The following SAMD12 variants were observed in gnomAD, a reference collection of about 807,000 sequenced individuals.
The protein encoded by SAMD12 is sterile alpha motif domain containing 12.
In SAMD12, 9 loss-of-function variants were observed where a neutral mutation model predicts 15.0. The ratio of observed to expected loss-of-function variants is 0.60; its 90% CI spans 0.36 to 1.05. The LOEUF is 1.05. Ranked by LOEUF, SAMD12 falls within the 50% of genes least tolerant of loss-of-function variation. The probability of loss-of-function intolerance (pLI) is 0.01; values close to 1 mark genes in which losing one functional copy is unlikely to be tolerated. For synonymous variants in SAMD12, 86 were observed against 90.1 expected (o/e 0.96, Z 0.25); for missense variants, 230 against 234.2 (o/e 0.98, Z 0.12).
chr8:118,257,524 ACTC>A (rs1208767914), intron 4 of SAMD12, among the ~76,000 whole-genome samples: 1 of 151,884 alleles, frequency 6.6e-6, no homozygotes, highest in African/African-American at 2.4e-5. Flanking sequence ...CTTCAACAGA[ACTC>A]CTCCTCCTTC....
chr8:118,163,641 C>T, the SAMD12 span, among the ~76,000 whole-genome samples: 5 of 151,068 alleles, frequency 3.3e-5, no homozygotes, highest in Non-Finnish European at 5.9e-5. Flanking sequence ...TTTGGGAGGC[C>T]GAGGCGGGCG....
exon 5 of SAMD12, chr8:118,197,636 G>T: frequency 8.2e-7 from 1 of 1,217,862 alleles, no homozygotes; most frequent in Non-Finnish European, 1.2e-6. Flanking sequence ...CAGTGCCATG[G>T]GTTAGTCTTT....
chr8:118,364,277 G>C (rs1253235277), intron 4 of SAMD12, among the ~76,000 whole-genome samples: 2 of 152,106 alleles, frequency 1.3e-5, no homozygotes, highest in Admixed American at 1.3e-4. Flanking sequence ...CATATTTCTG[G>C]GGAAATAGGA....
chr8:118,462,992 A>G (rs1446718012), intron 2 of SAMD12, among the ~76,000 whole-genome samples: 3 of 150,972 alleles, frequency 2.0e-5, no homozygotes, highest in Non-Finnish European at 4.4e-5. Flanking sequence ...TCCCAGCTAC[A>G]CAGGAGGCTG....
intron 1 of SAMD12, among the ~76,000 whole-genome samples, chr8:118,607,393 GC>G (rs201592913): frequency 0.021 from 3,152 of 152,148 alleles, 52 homozygotes; most frequent in Middle Eastern, 0.044. Context: ...GTGCCACGAC[GC>G]CCAGCTAATT....
intron 4 of SAMD12, among the ~76,000 whole-genome samples, chr8:118,311,014 A>G (rs1815603263): frequency 6.6e-6 from 1 of 152,190 alleles, no homozygotes; most frequent in South Asian, 2.1e-4. Flanking sequence ...ACAATACACT[A>G]AATGTTCTCT....
chr8:118,273,124 G>A (rs1451430749), intron 4 of SAMD12, among the ~76,000 whole-genome samples: 2 of 152,192 alleles, frequency 1.3e-5, no homozygotes, highest in African/African-American at 4.8e-5. Flanking sequence ...GAAAAGTGGT[G>A]TAATTGACTC....
In SAMD12 at chr8:118,439,892, T is replaced by C; in HGVS notation, c.262A>G (p.Lys88Glu). 5.0e-6 allele frequency: 8 copies of C among 1,613,744 alleles called. No individual in the cohort carries two copies. Among genetic ancestry groups the C allele is most frequent in the Non-Finnish European group, 6.8e-6 (8 of 1,179,650 alleles). The change falls in exon 3 of 4, where the codon AAA (lysine) becomes GAA (glutamate). Residue 88 changes from lysine (K) to glutamate (E), a missense_variant. Physicochemically the swap from Lys to Glu is moderately conservative, Grantham distance 56. Coordinates refer to ENST00000314727, the MANE Select transcript of SAMD12 (RefSeq NM_207506.3). ...TQQDVCKWLK[K>E]HCPNQYQIYS... ...ATCTGATACTGATTCGGACAATGTT[T>C]CTTCAACCACTTGCAGACATCCTGC... is the stretch of plus-strand genomic sequence containing the variant.
At chr8:118,292,349 G>GACACACACAGACACAC (rs1554624055) in intron 4 of SAMD12, among the ~76,000 whole-genome samples, 3 of 137,718 alleles carry the variant, frequency 2.2e-5, no homozygotes, top group African/African-American at 8.3e-5. Context: ...CAAACACACA[G>GACACACACAGACACAC]ACACACACAC....
At chr8:118,367,161 G>T (rs186767139) in intron 4 of SAMD12, among the ~76,000 whole-genome samples, 1 of 151,936 alleles carries the variant, frequency 6.6e-6, no homozygotes, top group Non-Finnish European at 1.5e-5. Context: ...CCGAGAATTG[G>T]TGGTCCCCCC....
intron 2 of SAMD12, among the ~76,000 whole-genome samples, chr8:118,512,496 G>A (rs555764690): frequency 1.8e-4 from 27 of 152,164 alleles, no homozygotes; most frequent in African/African-American, 6.0e-4. Flanking sequence ...ATTAAAATAA[G>A]GTCATGCCAG....
intron 2 of SAMD12, among the ~76,000 whole-genome samples, chr8:118,465,579 A>G (rs1278174408): frequency 5.3e-5 from 8 of 152,190 alleles, no homozygotes. Context: ...AGGGTAAGAC[A>G]TAGATTTCTC....
At chr8:118,576,553 A>G (rs564674663) in intron 2 of SAMD12, among the ~76,000 whole-genome samples, 1 of 152,274 alleles carries the variant, frequency 6.6e-6, no homozygotes, top group African/African-American at 2.4e-5. Context: ...GAATTTATCC[A>G]TACTTCGCAG....
intron 4 of SAMD12, among the ~76,000 whole-genome samples, chr8:118,343,890 T>C (rs1330111732): frequency 6.6e-6 from 1 of 152,218 alleles, no homozygotes; most frequent in Non-Finnish European, 1.5e-5. Flanking sequence ...GTTAAGTTAC[T>C]TAACCTCTAA....
intron 2 of SAMD12, among the ~76,000 whole-genome samples, chr8:118,494,790 G>A (rs1428984280): frequency 6.6e-6 from 1 of 152,010 alleles, no homozygotes; most frequent in Non-Finnish European, 1.5e-5. Context: ...ACACATTTGT[G>A]AGGACAAAAA....
intron 4 of SAMD12, among the ~76,000 whole-genome samples, chr8:118,297,328 G>C (rs1814764507): frequency 1.3e-5 from 2 of 152,112 alleles, no homozygotes; most frequent in Non-Finnish European, 2.9e-5. Flanking sequence ...CCAACTTGAT[G>C]ATATAACTGA....
chr8:118,533,595 A>C (rs1825751295), intron 2 of SAMD12, among the ~76,000 whole-genome samples: 2 of 152,222 alleles, frequency 1.3e-5, no homozygotes, highest in Admixed American at 6.5e-5. Context: ...GTAGGTCTCT[A>C]AGGACTTGCT....
intron 4 of SAMD12, among the ~76,000 whole-genome samples, chr8:118,320,310 C>G (rs1207583897): frequency 2.6e-5 from 4 of 152,154 alleles, no homozygotes; most frequent in African/African-American, 9.6e-5. Flanking sequence ...ATGGACGACT[C>G]TAGAAATCTA....
chr8:118,168,833 G>T, the SAMD12 span, among the ~76,000 whole-genome samples: 1 of 151,808 alleles, frequency 6.6e-6, no homozygotes, highest in African/African-American at 2.4e-5. Context: ...TGTCCCAGAG[G>T]AAAAAAATTA....
Sources: gnomAD v4.1 joint callset for allele counts (sites outside exome capture counted in the v4.1 genomes callset) on GRCh38, gnomAD v4.1.1 for gene constraint, MANE v1.5 for transcripts, NCBI Gene and HGNC (gene_info 2026-07-23, HGNC 2026-07-21) for gene names.